The following SYCP1 variants were observed in gnomAD, a reference collection of about 807,000 sequenced individuals.
The protein encoded by SYCP1 is cancer/testis antigen 8.
In SYCP1, 64 loss-of-function variants were observed where a neutral mutation model predicts 153.1. The observed-to-expected ratio is 0.42, with a 90% confidence interval of 0.34 to 0.51. The LOEUF (loss-of-function observed/expected upper bound fraction) is 0.51. Ranked by LOEUF, SYCP1 falls within the 20% of genes least tolerant of loss-of-function variation. The pLI is 0.06. For missense variants in SYCP1, 997 were observed against 1,049.0 expected (o/e 0.95, Z 0.68); for synonymous variants, 384 against 341.8 (o/e 1.12, Z -1.36).
chr1:114,949,519 C>T (rs1312885792), intron 27 of SYCP1, among the ~76,000 whole-genome samples: 1 of 152,140 alleles, frequency 6.6e-6, no homozygotes, highest in Non-Finnish European at 1.5e-5. Flanking sequence ...AGGAGAGGCC[C>T]TCCTTCTGCT....
In SYCP1 at chr1:114,944,352, A is replaced by G. The variant is rs1339477597; in HGVS notation, c.1940A>G (p.Glu647Gly). ...CTTTACTTAAAGGTCAATAAATTAGAGTTAGAACTAGAAAGTGCCAAACAG... is the reference window on the plus strand; with the variant it reads ...CTTTACTTAAAGGTCAATAAATTAGGGTTAGAACTAGAAAGTGCCAAACAG... ...NVYEIKVNKL[E>G]LELESAKQKF... Residue 647 changes from glutamate (E) to glycine (G), a missense_variant, in exon 24 of 32, where the codon GAG (glutamate) becomes GGG (glycine). Glu to Gly is a moderately conservative substitution (Grantham distance 98, BLOSUM62 -2). This residue lies in a region of SYCP1 where 712 missense variants were observed against 682.9 expected (regional missense o/e 1.04). Transcript: ENST00000369522. 2 of 1,593,984 alleles carry G rather than the reference A, an allele frequency of 1.3e-6. No individual in the cohort carries two copies. Among genetic ancestry groups the G allele is most frequent in the African/African-American group, 2.7e-5 (2 of 74,198 alleles).
intron 27 of SYCP1, among the ~76,000 whole-genome samples, chr1:114,948,938 G>A (rs1315996456): frequency 5.9e-5 from 9 of 152,118 alleles, no homozygotes; most frequent in Non-Finnish European, 2.9e-5. Context: ...TTCTGTTACT[G>A]TAGCTTGTAT....
chr1:114,926,575 C>T lies in SYCP1; in HGVS notation c.1926+12C>T. 1.3e-6 allele frequency: 2 copies of T among 1,575,530 alleles called. No individual in the cohort carries two copies. Among genetic ancestry groups the T allele is most frequent in the Non-Finnish European group, 1.7e-6 (2 of 1,161,848 alleles). ...TTTATGAGATAAAGGTATTTGGCAT[C>T]TTTATTTTTGTTTTTTAAATACTAA... On this transcript the variant is annotated intron_variant, in intron 23 of 31. Transcript: ENST00000369522.
intron 23 of SYCP1, among the ~76,000 whole-genome samples, chr1:114,932,488 G>A (rs1669697517): frequency 6.6e-6 from 1 of 152,220 alleles, no homozygotes. Flanking sequence ...CCCAGCATGA[G>A]TGACGCAGAA....
chr1:114,991,561 C>G (rs796582570), intron 30 of SYCP1, among the ~76,000 whole-genome samples: 5 of 151,864 alleles, frequency 3.3e-5, no homozygotes, highest in African/African-American at 1.2e-4. Context: ...ATAGCCATAT[C>G]ATCATCGTGA....
chr1:114,994,514 G>C (rs1168279824), intron 30 of SYCP1, among the ~76,000 whole-genome samples, 184 bp from the exon 31 acceptor site: 11 of 151,104 alleles, frequency 7.3e-5, no homozygotes, highest in Non-Finnish European at 1.6e-4. Flanking sequence ...TGTTTTCTTT[G>C]TTTGGTCTTC....
At chr1:114,944,589 G>T (rs772787550) in intron 24 of SYCP1, 134 bp downstream of exon 24, 41 of 627,062 alleles carry the variant, frequency 6.5e-5, no homozygotes, top group Non-Finnish European at 9.0e-5. Context: ...TTTATATAAG[G>T]GTCAGTTTAT....
At chr1:114,946,676 GAT>G (rs1309593992) in intron 26 of SYCP1, among the ~76,000 whole-genome samples, 1 of 152,068 alleles carries the variant, frequency 6.6e-6, no homozygotes, top group African/African-American at 2.4e-5. Flanking sequence ...AACGAGGAGA[GAT>G]ATACTTTGTG....
intron 23 of SYCP1, among the ~76,000 whole-genome samples, chr1:114,940,900 T>C (rs1209762382): frequency 6.6e-6 from 1 of 152,230 alleles, no homozygotes; most frequent in Non-Finnish European, 1.5e-5. Flanking sequence ...ACAATGATTG[T>C]GGATTTCTGT....
chr1:114,936,288 C>T (rs1193186129), intron 23 of SYCP1, among the ~76,000 whole-genome samples: 1 of 152,120 alleles, frequency 6.6e-6, no homozygotes, highest in East Asian at 1.9e-4. Flanking sequence ...ATAAACAGAA[C>T]CAAAGACAAA....
chr1:114,860,571 C>T (rs1293197180), intron 7 of SYCP1, among the ~76,000 whole-genome samples, 165 bp from the exon 8 acceptor site: 7 of 151,964 alleles, frequency 4.6e-5, no homozygotes, highest in Admixed American at 3.9e-4. Context: ...TACAGTCAAC[C>T]CACTGTTTCT....
At chr1:114,984,644 T>C (rs1265665397) in intron 29 of SYCP1, 81 bp from the exon 30 acceptor site, 2 of 1,170,734 alleles carry the variant, frequency 1.7e-6, no homozygotes, top group African/African-American at 1.6e-5. Context: ...TCAAATTGCC[T>C]TAAAATTATT....
chr1:114,942,708 G>T (rs569662832), intron 23 of SYCP1, among the ~76,000 whole-genome samples: 1 of 151,914 alleles, frequency 6.6e-6, no homozygotes, highest in South Asian at 2.1e-4. Context: ...AATGTGAAGG[G>T]CAGGGCTTCA....
intron 15 of SYCP1, among the ~76,000 whole-genome samples, chr1:114,888,774 A>G (rs973992843): frequency 2.0e-5 from 3 of 152,090 alleles, no homozygotes; most frequent in African/African-American, 7.2e-5. Flanking sequence ...TTATATAGGT[A>G]TACATGTGCC....
chr1:114,922,936 G>A (rs1668993130), intron 20 of SYCP1, among the ~76,000 whole-genome samples: 1 of 152,126 alleles, frequency 6.6e-6, no homozygotes, highest in African/African-American at 2.4e-5. Context: ...GAAGAATTGA[G>A]TTCAGGTTCC....
At chr1:114,939,426 A>C (rs1670244165) in intron 23 of SYCP1, among the ~76,000 whole-genome samples, 1 of 152,230 alleles carries the variant, frequency 6.6e-6, no homozygotes, top group African/African-American at 2.4e-5. Context: ...TGGATAAACA[A>C]ATTTGGTATA....
intron 20 of SYCP1, among the ~76,000 whole-genome samples, chr1:114,916,574 G>A (rs937279634): frequency 4.6e-5 from 7 of 150,740 alleles, no homozygotes; most frequent in African/African-American, 1.7e-4. Context: ...AGCTTTGGAA[G>A]CTTTCAAGTT....
intron 16 of SYCP1, among the ~76,000 whole-genome samples, chr1:114,899,066 G>T (rs1260429545): frequency 6.6e-6 from 1 of 152,188 alleles, no homozygotes; most frequent in Admixed American, 6.5e-5. Flanking sequence ...ACTGCTTAAA[G>T]GGAAGCATAC....
chr1:114,921,543 G>A (rs1398742950), intron 20 of SYCP1, among the ~76,000 whole-genome samples: 1 of 151,870 alleles, frequency 6.6e-6, no homozygotes, highest in African/African-American at 2.4e-5. Context: ...GCCGGGTGTG[G>A]TGGCGGGTGC....
Sources: gnomAD v4.1 joint callset for allele counts (sites outside exome capture counted in the v4.1 genomes callset) on GRCh38, gnomAD v4.1.1 for gene constraint, gnomAD v4.1.1 regional missense constraint, MANE v1.5 for transcripts, NCBI Gene and HGNC (gene_info 2026-07-23, HGNC 2026-07-21) for gene names.